DNMT1: variants seen among roughly 807,000 people sequenced by gnomAD.
The protein encoded by DNMT1 is DNA methyltransferase 1, also known as DNA (cytosine-5)-methyltransferase 1.
A neutral mutation model predicts 205.3 loss-of-function variants in DNMT1; 24 were observed. The observed-to-expected ratio is 0.12, with a 90% CI of 0.08 to 0.16. The LOEUF is 0.16. Among genes scored for constraint, DNMT1 ranks in the 10% least tolerant of loss-of-function variants. The pLI, the probability that DNMT1 is intolerant of heterozygous loss-of-function variation, is 1.00. For synonymous variants in DNMT1, 817 were observed against 839.8 expected, an observed-to-expected ratio of 0.97 and a Z score of 0.47; for missense variants, 1,293 against 2,177.7, an observed-to-expected ratio of 0.59 and a Z score of 8.09.
chr19:10,192,581 G>A (rs1476060098), intron 1 of DNMT1, among the ~76,000 whole-genome samples: 1 of 151,876 alleles, frequency 6.6e-6, no homozygotes, highest in Non-Finnish European at 1.5e-5. Flanking sequence ...GAGCAACATG[G>A]CAAGACCCCA....
At chr19:10,181,739 G>A (rs1263961838) in intron 2 of DNMT1, among the ~76,000 whole-genome samples, 3 of 151,974 alleles carry the variant, frequency 2.0e-5, no homozygotes, top group Non-Finnish European at 4.4e-5. Flanking sequence ...TGAGGCAGGA[G>A]AACAGCTTGA....
At chr19:10,160,126 C>T in intron 14 of DNMT1, 63 bp from the exon 15 acceptor site, 1 of 1,604,812 alleles carries the variant, frequency 6.2e-7, no homozygotes, top group South Asian at 1.1e-5. Flanking sequence ...ATCAAAATCG[C>T]CCCTGTGAGG....
intron 30 of DNMT1, chr19:10,141,613 C>T (rs1010967634): frequency 2.7e-5 from 9 of 338,000 alleles, no homozygotes; most frequent in Admixed American, 2.3e-4. Context: ...GAGGGCCACC[C>T]GCACAGGCAT....
At chr19:10,164,972 G>GAC (rs2038657584) in intron 11 of DNMT1, among the ~76,000 whole-genome samples, 1 of 106,160 alleles carries the variant, frequency 9.4e-6, no homozygotes, top group Admixed American at 1.1e-4. Flanking sequence ...AAACCAAACA[G>GAC]ACTGAATGCA....
rs151175082 is a variant in DNMT1 at position 10,143,716 on chromosome 19, C to A, written c.3116+50G>T. On this transcript the variant is annotated intron_variant, in intron 29 of 40. Transcript: ENST00000359526. The stretch of plus-strand genomic sequence containing the variant: ...TGCCACAACCTTGTTTCAGGCAGAG[C>A]CTTCTAGAAGAGTCTGTGGCCTCGT... 3,747 of 1,601,820 alleles carry A rather than the reference C, an allele frequency of 2.3e-3. 7 individuals carry two copies. The highest frequency in any genetic ancestry group is 3.0e-3 in the Non-Finnish European group (3,456 of 1,169,314).
intron 8 of DNMT1, 119 bp from the exon 9 acceptor site, chr19:10,173,293 C>CA: frequency 2.2e-6 from 2 of 919,034 alleles, no homozygotes; most frequent in Non-Finnish European, 1.8e-6. Context: ...GGAGCCCTGA[C>CA]AGACACATAC....
rs751438122 is a variant in DNMT1, at chr19:10,140,368, G to T, written c.3524-40C>A. The T allele has an allele frequency of 3.1e-6, 5 of 1,599,530 alleles. No individual in the cohort carries two copies. The highest frequency in any genetic ancestry group is 1.4e-5 in the African/African-American group (1 of 72,802). On this transcript the variant is annotated intron_variant, in intron 32 of 40. Transcript: ENST00000359526. This position sits in a 1 kb window ranked among gnomAD's most constrained non-coding sequence, Gnocchi z 8.4. ...ACGAAGCCATGCTTTCAACTCTCCA[G>T]AAGATTTTTTTTTTTTTTTGAGATG...
chr19:10,180,840 T>C lies in DNMT1; in HGVS notation c.163A>G (p.Thr55Ala), dbSNP rs375585911. ...KLNLLHEFLQTEIKNQLCDLE... is the reference protein window; with the variant it reads ...KLNLLHEFLQAEIKNQLCDLE... ...TCACATAACTGATTCTTTATTTCTGTTTGCAGAAATTCGTGCAAGAGATTC... is the reference window on the plus strand; with the variant it reads ...TCACATAACTGATTCTTTATTTCTGCTTGCAGAAATTCGTGCAAGAGATTC... Residue 55 changes from threonine (T) to alanine (A), a missense_variant, in exon 3 of 41, where the codon ACA becomes GCA. This residue lies in a region of DNMT1 where 394 missense variants were observed against 451.6 expected (regional missense o/e 0.87). Transcript: ENST00000359526. The C allele has an allele frequency of 2.5e-6, 4 of 1,614,210 alleles. No individual in the cohort carries two copies. The highest frequency in any genetic ancestry group is 2.2e-5 in the South Asian group (2 of 91,076).
chr19:10,156,074 G>T lies in DNMT1; in HGVS notation c.1400-129C>A. The stretch of plus-strand genomic sequence containing the variant: ...TGCTCCTCAGTCATCACAATGACTT[G>T]GCCTACAGCTGCTCCTGGCACAAAG... On this transcript the variant is annotated intron_variant, in intron 18 of 40. Coordinates refer to ENST00000359526, the MANE Select transcript of DNMT1 (RefSeq NM_001130823.3). The surrounding 1 kb of genome is among the most constrained non-coding windows in gnomAD (Gnocchi z 4.2). The T allele has an allele frequency of 1.1e-6, 1 of 904,524 alleles. No homozygotes were observed. Among genetic ancestry groups the T allele is most frequent in the Non-Finnish European group, 1.7e-6 (1 of 574,646 alleles). 56.0% of individuals were successfully genotyped at this position (904,524 alleles called of 1,614,324 possible).
In DNMT1 at chr19:10,151,785, G is replaced by A; in HGVS notation, c.2082C>T (p.Gly694=). 2 of 1,614,164 alleles carry A rather than the reference G, an allele frequency of 1.2e-6. No homozygotes were observed. Among genetic ancestry groups the A allele is most frequent in the South Asian group, 2.2e-5 (2 of 91,080 alleles). Residue 694 remains glycine, a synonymous_variant, in exon 23 of 41, where the codon GGC becomes GGT. Transcript: ENST00000359526. The surrounding 1 kb of genome is among the most constrained non-coding windows in gnomAD (Gnocchi z 5.0). ...KACKDMVKFG[G]SGRSKQACQE... ...GGCAAGCCTGCTTGCTCCGTCCACT[G>A]CCACCAAATTTAACCATGTCCTTGC...
At chr19:10,171,869 T>C (rs955920463) in intron 9 of DNMT1, among the ~76,000 whole-genome samples, 3 of 151,402 alleles carry the variant, frequency 2.0e-5, no homozygotes, top group Non-Finnish European at 2.9e-5. Context: ...TAGCCAGGTG[T>C]GGTGGCAGGC....
At position 10,137,806 on chromosome 19, in the gene DNMT1, G is replaced by C. The variant is rs756726375; in HGVS notation, c.4293+26C>G. 3.1e-6 allele frequency: 5 copies of C among 1,608,620 alleles called. No homozygotes were observed. The highest frequency in any genetic ancestry group is 3.4e-5 in the Admixed American group (2 of 59,380). ...GGCTGCTGGGCTGGGCCTCGAGGAG[G>C]AGCCGCTCTGTCAGGGTGCCATTAC... On this transcript the variant is annotated intron_variant, in intron 36 of 40. Coordinates refer to ENST00000359526, the MANE Select transcript of DNMT1 (RefSeq NM_001130823.3). This position sits in a 1 kb window ranked among gnomAD's most constrained non-coding sequence, Gnocchi z 6.4.
At position 10,152,748 on chromosome 19, in the gene DNMT1, G is replaced by A. The variant is rs145838453; in HGVS notation, c.2020-901C>T. Among the ~76,000 whole-genome samples, 880 of 151,688 alleles carry A rather than the reference G, an allele frequency of 5.8e-3. 18 individuals carry two copies. The highest frequency in any genetic ancestry group is 0.034 in the East Asian group (174 of 5,162). On this transcript the variant is annotated intron_variant, in intron 22 of 40. Coordinates refer to ENST00000359526, the MANE Select transcript of DNMT1 (RefSeq NM_001130823.3). ...TGCATTCCAGACTGGGTGACAGAAC[G>A]AGACCCATCTCAACAACAACAACAA...
At chr19:10,149,680 G>A in intron 25 of DNMT1, 23 bp from the exon 26 acceptor site, 3 of 1,613,104 alleles carry the variant, frequency 1.9e-6, no homozygotes, top group Non-Finnish European at 2.5e-6. Context: ...GACGGGCATG[G>A]GGAGAAAGTT....
At chr19:10,172,900 C>T (rs574136065) in intron 9 of DNMT1, among the ~76,000 whole-genome samples, 190 bp downstream of exon 9, 1 of 152,112 alleles carries the variant, frequency 6.6e-6, no homozygotes, top group East Asian at 1.9e-4. Flanking sequence ...TCATAACCCA[C>T]CTTTCATGTA....
chr19:10,187,472 G>C (rs541166729), intron 1 of DNMT1, among the ~76,000 whole-genome samples: 1 of 151,918 alleles, frequency 6.6e-6, no homozygotes, highest in African/African-American at 2.4e-5. Context: ...GTGGTAGCAT[G>C]CACCTATAGT....
Position 10,140,023 on chromosome 19 carries a change from C to CT in DNMT1, c.3806+22dup, listed in dbSNP as rs749330110. 1.7e-5 allele frequency: 27 copies of CT among 1,604,968 alleles called. No homozygotes were observed. Among genetic ancestry groups the CT allele is most frequent in the Middle Eastern group, 1.6e-4 (1 of 6,062 alleles). On this transcript the variant is annotated intron_variant, in intron 33 of 40. Coordinates refer to ENST00000359526, the MANE Select transcript of DNMT1 (RefSeq NM_001130823.3). This position sits in a 1 kb window ranked among gnomAD's most constrained non-coding sequence, Gnocchi z 8.4. ...CACAGCCCCGGGCCGTCTGGCAACA[C>CT]TGGGGGGCTTCTACCCGTTTACCTG...
chr19:10,180,385 G>T lies in DNMT1; in HGVS notation c.410C>A (p.Thr137Lys). The change falls in exon 4 of 41, where the codon ACG becomes AAG. Residue 137 changes from threonine (T) to lysine (K), a missense_variant. Transcript: ENST00000359526. Reference protein sequence around the residue: ...SPPKPLSKPRTPRRSKSDGEA... With the variant: ...SPPKPLSKPRKPRRSKSDGEA... Reference sequence around the variant, plus strand: ...TCCATCGGACTTGCTCCTCCTGGGCGTGCGAGGTTTGGAAAGGGGTTTGGG... The same window carrying T: ...TCCATCGGACTTGCTCCTCCTGGGCTTGCGAGGTTTGGAAAGGGGTTTGGG... 1.2e-6 allele frequency: 2 copies of T among 1,613,678 alleles called. No individual in the cohort carries two copies. Among genetic ancestry groups the T allele is most frequent in the Non-Finnish European group, 1.7e-6 (2 of 1,180,020 alleles).
intron 10 of DNMT1, 44 bp from the exon 11 acceptor site, chr19:10,166,729 G>C (rs752166860): frequency 1.2e-6 from 2 of 1,611,148 alleles, no homozygotes; most frequent in South Asian, 1.1e-5. Flanking sequence ...CAGCTCGGGG[G>C]GGGCCCTGCA....
Sources: allele counts gnomAD v4.1 joint callset (sites outside exome capture counted in the v4.1 genomes callset), GRCh38; gene constraint gnomAD v4.1.1; regional missense constraint gnomAD v4.1.1; non-coding constraint Gnocchi (gnomAD v3.1); transcripts MANE v1.5; gene names NCBI Gene and HGNC (gene_info 2026-07-23, HGNC 2026-07-21).